Variants in MAST2 observed in about 807,000 individuals in gnomAD.
The protein encoded by MAST2 is microtubule-associated serine/threonine-protein kinase 2.
In MAST2, 70 loss-of-function variants were observed where a neutral mutation model predicts 147.4. The observed-to-expected ratio is 0.47, with a 90% CI of 0.39 to 0.58. MAST2 has a LOEUF of 0.58. MAST2 is among the 20% of genes least tolerant of loss of function. MAST2 has a pLI of 0.00. For synonymous variants in MAST2, 869 were observed against 896.8 expected, an observed-to-expected ratio of 0.97 and a Z score of 0.55; for missense variants, 2,080 against 2,302.3, an observed-to-expected ratio of 0.90 and a Z score of 1.98.
chr1:46,016,622 G>A (rs1645954872), intron 10 of MAST2, among the ~76,000 whole-genome samples: 1 of 152,170 alleles, frequency 6.6e-6, no homozygotes, highest in Non-Finnish European at 1.5e-5. Context: ...ACTTACAAGG[G>A]ACGTGAAGGA....
Position 45,803,614 on chromosome 1 carries a change from A to C in MAST2, c.-282A>C. ...GCGGGGCCGGCCGAAGGCTGGCTGT[A>C]GGCAGGCGGCTGAGCCGGCGGCGGG... On this transcript the variant is annotated 5_prime_UTR_variant, in exon 1 of 29. Coordinates refer to ENST00000361297, the MANE Select transcript of MAST2 (RefSeq NM_015112.3). The C allele has an allele frequency of 4.9e-6, 1 of 203,218 alleles. No homozygotes were observed. The highest frequency in any genetic ancestry group is 9.8e-6 in the Non-Finnish European group (1 of 102,296). 12.6% of individuals were successfully genotyped at this position (203,218 alleles called of 1,614,324 possible).
Position 46,008,332 on chromosome 1 carries a change from A to G in MAST2, c.939A>G (p.Ile313Met). The change falls in exon 9 of 29, where the codon ATA becomes ATG. Residue 313 changes from isoleucine (I) to methionine (M), a missense_variant. Physicochemically the swap from Ile to Met is conservative, Grantham distance 10. This residue lies in a region of MAST2 where 569 missense variants were observed against 642.5 expected (regional missense o/e 0.89). Coordinates refer to ENST00000361297, the MANE Select transcript of MAST2 (RefSeq NM_015112.3). ...GRSPVSFDSE[I>M]IMMNHVYKER... ...CCCCAGTATCCTTTGACAGTGAAAT[A>G]ATAATGATGAATCATGTTTACAAAG... 6.2e-7 allele frequency: 1 copy of G among 1,612,834 alleles called. No individual in the cohort carries two copies. The highest frequency in any genetic ancestry group is 8.5e-7 in the Non-Finnish European group (1 of 1,178,792).
intron 3 of MAST2, among the ~76,000 whole-genome samples, chr1:45,866,590 G>T (rs1363366557): frequency 6.6e-6 from 1 of 152,152 alleles, no homozygotes; most frequent in Non-Finnish European, 1.5e-5. Context: ...GCCTGAGTCA[G>T]TCTCTAGTAT....
intron 5 of MAST2, among the ~76,000 whole-genome samples, chr1:45,961,424 T>G (rs1660401455): frequency 6.6e-6 from 1 of 152,202 alleles, no homozygotes; most frequent in African/African-American, 2.4e-5. Flanking sequence ...CTGGCTGCTC[T>G]TCTCTAGATG....
intron 5 of MAST2, among the ~76,000 whole-genome samples, chr1:45,963,690 A>G (rs1396323909): frequency 6.6e-6 from 1 of 152,220 alleles, no homozygotes; most frequent in Non-Finnish European, 1.5e-5. Flanking sequence ...CTAGATATAC[A>G]ATCATGTCAT....
At chr1:45,908,991 A>G (rs1014389785) in intron 4 of MAST2, among the ~76,000 whole-genome samples, 3 of 152,202 alleles carry the variant, frequency 2.0e-5, no homozygotes, top group African/African-American at 2.4e-5. Context: ...CTCTTTCGGT[A>G]ATGTCATAGT....
intron 3 of MAST2, among the ~76,000 whole-genome samples, chr1:45,849,754 C>T (rs1348379586): frequency 6.6e-6 from 1 of 152,128 alleles, no homozygotes; most frequent in Non-Finnish European, 1.5e-5. Flanking sequence ...TCTGGATCTC[C>T]TGACGTCGTG....
chr1:45,989,777 T>C (rs1023678750), intron 5 of MAST2, among the ~76,000 whole-genome samples: 1 of 152,230 alleles, frequency 6.6e-6, no homozygotes, highest in Non-Finnish European at 1.5e-5. Flanking sequence ...TTGATTGTTT[T>C]ACTGTCTCCA....
chr1:45,984,192 C>T (rs1310214412), intron 5 of MAST2, among the ~76,000 whole-genome samples: 3 of 152,162 alleles, frequency 2.0e-5, no homozygotes, highest in East Asian at 1.9e-4. Context: ...TTTATCATCC[C>T]TTGGAGGGAA....
chr1:45,830,181 C>CTTTTTT (rs11407885), intron 3 of MAST2, among the ~76,000 whole-genome samples: 4 of 108,256 alleles, frequency 3.7e-5, no homozygotes, highest in Non-Finnish European at 5.3e-5. Flanking sequence ...TTAATTGAAT[C>CTTTTTT]TTTTTTTTTT....
At chr1:45,902,503 A>G (rs1366129274) in intron 4 of MAST2, among the ~76,000 whole-genome samples, 1 of 151,960 alleles carries the variant, frequency 6.6e-6, no homozygotes, top group Non-Finnish European at 1.5e-5. Flanking sequence ...AGAACGAGCT[A>G]GGGAAGAATC....
intron 6 of MAST2, chr1:46,001,034 C>CAAT: frequency 8.0e-7 from 1 of 1,246,510 alleles, no homozygotes; most frequent in South Asian, 1.2e-5. Context: ...CATGGCCAGA[C>CAAT]AATATGGTTT....
chr1:46,035,854 T>G lies in MAST2; in HGVS notation c.5185T>G (p.Ser1729Ala), dbSNP rs761915495. 6 of 1,613,358 alleles carry G rather than the reference T, an allele frequency of 3.7e-6. No individual in the cohort carries two copies. In the Admixed American group the frequency reaches 6.7e-5, roughly 18 times the overall value. ...TCCCAGCCAGGGCTGGCTATGGGAG[T>G]CTGAGTGTGCACAAGCAGTGAAAGA... Reference protein sequence around the residue: ...EDPSQGWLWESECAQAVKEDP... With the variant: ...EDPSQGWLWEAECAQAVKEDP... The change falls in exon 29 of 29, where the codon TCT (serine) becomes GCT (alanine). Residue 1729 changes from serine to alanine, a missense_variant. Around this residue, in one of 4 missense-constraint regions of MAST2, gnomAD observed 1,278 missense variants for 1,304.2 expected, o/e 0.98. Coordinates refer to ENST00000361297, the MANE Select transcript of MAST2 (RefSeq NM_015112.3). The surrounding 1 kb of genome is among the most constrained non-coding windows in gnomAD (Gnocchi z 5.5).
intron 4 of MAST2, among the ~76,000 whole-genome samples, chr1:45,947,533 C>A (rs1018189021): frequency 1.3e-5 from 2 of 151,952 alleles, no homozygotes; most frequent in African/African-American, 2.4e-5. Flanking sequence ...ATGAGGAAAA[C>A]CCTGAGGGAC....
At chr1:45,945,511 T>C (rs926901138) in intron 4 of MAST2, among the ~76,000 whole-genome samples, 1 of 152,196 alleles carries the variant, frequency 6.6e-6, no homozygotes, top group African/African-American at 2.4e-5. Flanking sequence ...ACTAACTGTG[T>C]TCTAATCTTT....
intron 7 of MAST2, among the ~76,000 whole-genome samples, chr1:46,004,852 G>T (rs1383284641): frequency 6.6e-6 from 1 of 152,132 alleles, no homozygotes; most frequent in African/African-American, 2.4e-5. Flanking sequence ...ACTTTGAGAG[G>T]TCAAAGCAGG....
intron 1 of MAST2, among the ~76,000 whole-genome samples, chr1:45,808,061 T>C (rs1644192283): frequency 6.6e-6 from 1 of 152,178 alleles, no homozygotes; most frequent in Non-Finnish European, 1.5e-5. Context: ...TGTTACAGTT[T>C]TTATTATACT....
intron 3 of MAST2, among the ~76,000 whole-genome samples, chr1:45,869,595 T>C (rs1009758492): frequency 2.6e-5 from 4 of 152,360 alleles, no homozygotes; most frequent in African/African-American, 9.6e-5. Context: ...ATTTCATCTA[T>C]TCTAAGGCTC....
chr1:46,035,206 G>A lies in MAST2; in HGVS notation c.4537G>A (p.Glu1513Lys). The change falls in exon 29 of 29, where the codon GAG (glutamate) becomes AAG (lysine). Residue 1513 changes from glutamate to lysine, a missense_variant. By Grantham distance (56) the Glu-to-Lys change is moderately conservative. Transcript: ENST00000361297. This position sits in a 1 kb window ranked among gnomAD's most constrained non-coding sequence, Gnocchi z 5.5. ...AGAGGACGACACCGAGGAAGGGCCT[G>A]AGAACAGCCAGGGTGCACAGGAGCT... Reference protein sequence around the residue: ...SSEDDTEEGPENSQGAQELSL... With the variant: ...SSEDDTEEGPKNSQGAQELSL... 1.2e-6 allele frequency: 2 copies of A among 1,614,064 alleles called. No homozygotes were observed. The highest frequency in any genetic ancestry group is 1.7e-6 in the Non-Finnish European group (2 of 1,180,030).
Sources: gnomAD v4.1 joint callset for allele counts (sites outside exome capture counted in the v4.1 genomes callset) on GRCh38, gnomAD v4.1.1 for gene constraint, gnomAD v4.1.1 regional missense constraint, Gnocchi (gnomAD v3.1) non-coding constraint, MANE v1.5 for transcripts, NCBI Gene and HGNC (gene_info 2026-07-23, HGNC 2026-07-21) for gene names.